The following PNPLA7 variants were observed in gnomAD, a reference collection of about 807,000 sequenced individuals.
The protein encoded by PNPLA7 is patatin-like phospholipase domain-containing protein 7.
Under a neutral mutation model 161.7 loss-of-function variants are expected in PNPLA7, and 153 were observed. The observed-to-expected ratio is 0.95, with a 90% CI of 0.83 to 1.08. The LOEUF is 1.08. PNPLA7 is among the 50% of genes least tolerant of loss of function. PNPLA7 has a pLI of 0.00. For missense variants in PNPLA7, 1,739 were observed against 1,856.6 expected (o/e 0.94, Z 1.16); for synonymous variants, 809 against 782.1 (o/e 1.03, Z -0.57).
rs753931164 is a variant in PNPLA7 at position 137,519,952 on chromosome 9, T to G, written c.1049A>C (p.Lys350Thr). The G allele has an allele frequency of 1.2e-6, 2 of 1,612,848 alleles. No homozygotes were observed. Among genetic ancestry groups the G allele is most frequent in the South Asian group, 2.2e-5 (2 of 91,086 alleles). The change falls in exon 11 of 35, where the codon AAA (lysine) becomes ACA (threonine). Residue 350 changes from lysine (K) to threonine (T), a missense_variant. By Grantham distance (78) the Lys-to-Thr change is moderately conservative. This residue lies in a region of PNPLA7 where 152 missense variants were observed against 193.5 expected (regional missense o/e 0.79). Coordinates refer to ENST00000406427, the MANE Select transcript of PNPLA7 (RefSeq NM_001098537.3). ...QVFYGEEERL[K>T]KPPRLQESCD... ...GGACTCCTGGAGCCGCGGTGGCTTT[T>G]TAAGCCGCTCTTCTTCGCCATAGAA...
At position 137,460,855 on chromosome 9, in the gene PNPLA7, G is replaced by C; in HGVS notation, c.3842-118C>G. ...CCCACCCCCGCCTCCAAGGTGGCCC[G>C]GGGCCCTACACGCAGCCACCTGGTC... is the stretch of plus-strand genomic sequence containing the variant. On this transcript the variant is annotated intron_variant, in intron 33 of 34. Coordinates refer to ENST00000406427, the MANE Select transcript of PNPLA7 (RefSeq NM_001098537.3). 5 of 920,298 alleles carry C rather than the reference G, an allele frequency of 5.4e-6. No individual in the cohort carries two copies. The South Asian group carries it at 6.4e-5, about 12-fold the overall frequency. 57.0% of individuals were successfully genotyped at this position (920,298 alleles called of 1,614,324 possible). A position where few individuals can be genotyped will look rare whatever the true frequency, so the allele number is the denominator to read the frequency against.
intron 20 of PNPLA7, chr9:137,492,051 A>T (rs1832789146): frequency 3.0e-6 from 3 of 985,270 alleles, no homozygotes; most frequent in Non-Finnish European, 3.6e-6. Context: ...TGGCAAGGGG[A>T]TCTGGGGTCA....
At chr9:137,544,719 C>G (rs1224160885) in intron 4 of PNPLA7, among the ~76,000 whole-genome samples, 1 of 152,200 alleles carries the variant, frequency 6.6e-6, no homozygotes, top group Non-Finnish European at 1.5e-5. Flanking sequence ...TCTCGACTCA[C>G]TACAACCTCC....
intron 11 of PNPLA7, chr9:137,516,626 T>C (rs1013137439): frequency 3.7e-6 from 2 of 540,024 alleles, no homozygotes; most frequent in East Asian, 3.0e-4. Context: ...CTGGACCACG[T>C]AGTAAGATGC....
rs954081217 is a variant in PNPLA7 at position 137,479,132 on chromosome 9, A to C, written c.2687T>G (p.Met896Arg). The change falls in exon 24 of 35, where the codon ATG (methionine) becomes AGG (arginine). Residue 896 changes from methionine (M) to arginine (R), a missense_variant. Physicochemically the swap from Met to Arg is moderately conservative, Grantham distance 91 (BLOSUM62 -1). This residue lies in a region of PNPLA7 where 703 missense variants were observed against 694.6 expected (regional missense o/e 1.01). Coordinates refer to ENST00000406427, the MANE Select transcript of PNPLA7 (RefSeq NM_001098537.3). ...CAGGTGGCCGGAGCACCAGCTCCGC[A>C]TGTTGAGCCACTCCACGGTGCGCGC... ...APARTVEWLNMRSWCSGHLHL... is the reference protein window; with the variant it reads ...APARTVEWLNRRSWCSGHLHL... The C allele has an allele frequency of 5.0e-6, 8 of 1,595,124 alleles. No homozygotes were observed. In the African/African-American group the frequency reaches 9.4e-5, roughly 19 times the overall value.
intron 21 of PNPLA7, 99 bp from the exon 22 acceptor site, chr9:137,481,122 C>T (rs1832199289): frequency 3.1e-6 from 4 of 1,272,634 alleles, no homozygotes; most frequent in Non-Finnish European, 3.3e-6. Context: ...CCGAGCCAGG[C>T]ACCGACGCCC....
chr9:137,547,274 AC>A lies in PNPLA7; in HGVS notation c.193+34del. On this transcript the variant is annotated intron_variant, in intron 3 of 34. Transcript: ENST00000406427. This position sits in a 1 kb window ranked among gnomAD's most constrained non-coding sequence, Gnocchi z 4.6. The stretch of plus-strand genomic sequence containing the variant: ...CCCAAGACACCCACGCTTTCCCCCA[AC>A]CCCCCGGGCCAGAGTCGGAACCAAG... 2 of 1,599,794 alleles carry A rather than the reference AC, an allele frequency of 1.3e-6. No homozygotes were observed. Among genetic ancestry groups the A allele is most frequent in the Non-Finnish European group, 1.7e-6 (2 of 1,168,452 alleles).
At chr9:137,515,103 G>A (rs529704568) in intron 12 of PNPLA7, among the ~76,000 whole-genome samples, 6 of 152,268 alleles carry the variant, frequency 3.9e-5, no homozygotes, top group South Asian at 2.1e-4. Context: ...ATGGCTCTGC[G>A]GGGCATCTGG....
At chr9:137,507,407 C>T (rs1035145317) in intron 12 of PNPLA7, among the ~76,000 whole-genome samples, 11 of 152,232 alleles carry the variant, frequency 7.2e-5, no homozygotes, top group African/African-American at 2.2e-4. Context: ...AAATTTCTCA[C>T]ACCTATAGTC....
At chr9:137,515,549 G>C (rs1372667620) in intron 11 of PNPLA7, 30 bp from the exon 12 acceptor site, 2 of 1,507,282 alleles carry the variant, frequency 1.3e-6, no homozygotes, top group African/African-American at 1.4e-5. Flanking sequence ...AAGCAACCTT[G>C]TTTGCACGCA....
At chr9:137,498,050 C>A (rs1024441877) in intron 17 of PNPLA7, 64 bp downstream of exon 17, 29 of 1,576,310 alleles carry the variant, frequency 1.8e-5, no homozygotes, top group Non-Finnish European at 2.4e-5. Context: ...CGTGCTTTGC[C>A]CATCCCCAGC....
chr9:137,496,713 A>AAAAAC (rs566457617), intron 18 of PNPLA7, among the ~76,000 whole-genome samples: 229 of 152,296 alleles, frequency 1.5e-3, no homozygotes, highest in East Asian at 5.6e-3. Context: ...TTCCGTCTCA[A>AAAAAC]AAAACAAAAC....
chr9:137,542,573 A>G, intron 7 of PNPLA7, 69 bp downstream of exon 7: 1 of 1,396,606 alleles, frequency 7.2e-7, no homozygotes, highest in Non-Finnish European at 9.4e-7. Flanking sequence ...AACGTTTTAC[A>G]GCCCGAGAAG....
At chr9:137,518,471 C>T (rs1392115768) in intron 11 of PNPLA7, among the ~76,000 whole-genome samples, 11 of 54,488 alleles carry the variant, frequency 2.0e-4, no homozygotes, top group South Asian at 1.2e-3. Context: ...CTCCACTCTG[C>T]TCACTCCATC....
intron 1 of PNPLA7, among the ~76,000 whole-genome samples, chr9:137,548,280 A>G (rs1836652275): frequency 6.6e-6 from 1 of 152,186 alleles, no homozygotes. Flanking sequence ...CACCAGCCAG[A>G]CAGGCAGCCC....
Position 137,501,662 on chromosome 9 carries a change from C to T in PNPLA7, c.1539G>A (p.Arg513=). The T allele has an allele frequency of 3.1e-6, 5 of 1,612,408 alleles. No homozygotes were observed. The highest frequency in any genetic ancestry group is 4.2e-6 in the Non-Finnish European group (5 of 1,179,784). The change falls in exon 15 of 35, where the codon AGG becomes AGA. Residue 513 remains arginine, a synonymous_variant. Transcript: ENST00000406427. ...LHVPAGTVVS[R]QGDQDASILF... The stretch of plus-strand genomic sequence containing the variant: ...GACCCCCGCTCACCTGGTCTCCCTG[C>T]CTTGACACCACCGTGCCTGCAGGAA...
chr9:137,478,094 C>A lies in PNPLA7; in HGVS notation c.2822G>T (p.Arg941Leu). Residue 941 changes from arginine to leucine, a missense_variant, in exon 25 of 35, where the codon CGC (arginine) becomes CTC (leucine). Physicochemically the swap from Arg to Leu is moderately radical, Grantham distance 102 (BLOSUM62 -2). This residue lies in a region of PNPLA7 where 703 missense variants were observed against 694.6 expected (regional missense o/e 1.01). Coordinates refer to ENST00000406427, the MANE Select transcript of PNPLA7 (RefSeq NM_001098537.3). ...GTTGCCCGTCAGCACCCTCGCCAGG[C>A]GGGAGAAGTCTGAGTGTCGGTCCGG... ...RPPDRHSDFS[R>L]LARVLTGNAI... The A allele has an allele frequency of 1.5e-6, 2 of 1,377,068 alleles. No homozygotes were observed. The highest frequency in any genetic ancestry group is 9.4e-7 in the Non-Finnish European group (1 of 1,060,726). The allele number at this position is 1,377,068 out of a possible 1,614,324, so 85.3% of individuals were successfully genotyped here. A position where few individuals can be genotyped will look rare whatever the true frequency, so the allele number is the denominator to read the frequency against.
chr9:137,511,915 G>A (rs986476673), intron 12 of PNPLA7, among the ~76,000 whole-genome samples: 6 of 152,156 alleles, frequency 3.9e-5, no homozygotes, highest in African/African-American at 1.2e-4. Flanking sequence ...CCCCTGTCAC[G>A]TGGACAGGTG....
chr9:137,514,625 T>C (rs1252441655), intron 12 of PNPLA7, among the ~76,000 whole-genome samples: 44 of 131,520 alleles, frequency 3.3e-4, no homozygotes, highest in Non-Finnish European at 5.3e-4. Flanking sequence ...GCCCTGTGGC[T>C]GGGCTGCGGG....
Sources: allele counts gnomAD v4.1 joint callset (sites outside exome capture counted in the v4.1 genomes callset), GRCh38; gene constraint gnomAD v4.1.1; regional missense constraint gnomAD v4.1.1; non-coding constraint Gnocchi (gnomAD v3.1); transcripts MANE v1.5; gene names NCBI Gene and HGNC (gene_info 2026-07-23, HGNC 2026-07-21).